GRM4: variants seen among roughly 807,000 people sequenced by gnomAD.
The protein encoded by GRM4 is glutamate metabotropic receptor 4.
GRM4 carries 28 observed loss-of-function variants against 81.7 expected under a neutral mutation model. The observed-to-expected ratio is 0.34, with a 90% CI of 0.25 to 0.47. The LOEUF is 0.47. GRM4 is among the 20% of genes least tolerant of loss of function. GRM4 has a pLI of 1.00. For synonymous variants in GRM4, 488 were observed against 528.8 expected, an observed-to-expected ratio of 0.92 and a Z score of 1.06; for missense variants, 948 against 1,290.0, an observed-to-expected ratio of 0.73 and a Z score of 4.06.
intron 2 of GRM4, among the ~76,000 whole-genome samples, chr6:34,098,832 C>A (rs965319853): frequency 4.6e-5 from 7 of 152,234 alleles, no homozygotes; most frequent in Non-Finnish European, 8.8e-5. Flanking sequence ...GGGGCCTGAG[C>A]AGTGCAGCCT....
Position 34,044,630 on chromosome 6 carries a change from G to A in GRM4, c.1169-3882C>T, listed in dbSNP as rs1324288366. ...CATACATACATACACATATATACAC[G>A]CAGACACACACACATATACATACAT... is the stretch of plus-strand genomic sequence containing the variant. On this transcript the variant is annotated intron_variant, in intron 6 of 10. Coordinates refer to ENST00000538487, the MANE Select transcript of GRM4 (RefSeq NM_000841.4). Among the ~76,000 whole-genome samples, 252 of 95,942 alleles carry A rather than the reference G, an allele frequency of 2.6e-3. 1 individual carries two copies. The highest frequency in any genetic ancestry group is 5.7e-3 in the Middle Eastern group (1 of 176). The allele number at this position is 95,942 out of a possible 152,430, so 62.9% of individuals were successfully genotyped here. A position where few individuals can be genotyped will look rare whatever the true frequency, so the allele number is the denominator to read the frequency against.
In GRM4 at chr6:34,042,912, C is replaced by G. The variant is rs1259733555; in HGVS notation, c.1169-2164G>C. Among the ~76,000 whole-genome samples, 1 of 152,182 alleles carries G rather than the reference C, an allele frequency of 6.6e-6. No individual in the cohort carries two copies. The highest frequency in any genetic ancestry group is 1.5e-5 in the Non-Finnish European group (1 of 68,030). On this transcript the variant is annotated intron_variant, in intron 6 of 10. Coordinates refer to ENST00000538487, the MANE Select transcript of GRM4 (RefSeq NM_000841.4). This position sits in a 1 kb window ranked among gnomAD's most constrained non-coding sequence, Gnocchi z 4.2. ...GATGTGGGGATGGGGGATAGCTGGCCTGGTCGCTCATTAACCCTGCCAGCC... is the reference window on the plus strand; with the variant it reads ...GATGTGGGGATGGGGGATAGCTGGCGTGGTCGCTCATTAACCCTGCCAGCC...
chr6:34,121,526 G>A lies in GRM4; in HGVS notation c.519+11452C>T, dbSNP rs189393701. Among the ~76,000 whole-genome samples, 108 of 152,326 alleles carry A rather than the reference G, an allele frequency of 7.1e-4. No individual in the cohort carries two copies. The highest frequency in any genetic ancestry group is 2.5e-3 in the African/African-American group (106 of 41,574). ...TAGGGCCCCGCTCTACCCAGCCAGA[G>A]CTCCCCCTCCAGGAGATTTCAACTC... On this transcript the variant is annotated intron_variant, in intron 2 of 10. Transcript: ENST00000538487. This position sits in a 1 kb window ranked among gnomAD's most constrained non-coding sequence, Gnocchi z 4.6.
Position 34,035,217 on chromosome 6 carries a change from T to C in GRM4, c.2442+451A>G, listed in dbSNP as rs1314149419. On this transcript the variant is annotated intron_variant, in intron 9 of 10. Transcript: ENST00000538487. The surrounding 1 kb of genome is among the most constrained non-coding windows in gnomAD (Gnocchi z 6.6). The stretch of plus-strand genomic sequence containing the variant: ...AGGAGGGTACAGCGCTCCAGGCTTA[T>C]GGAGGGGGGAAGGGGTGAGAGAATA... 1.4e-5 allele frequency among the ~76,000 whole-genome samples: 2 copies of C among 145,314 alleles called. No homozygotes were observed. The highest frequency in any genetic ancestry group is 3.0e-5 in the Non-Finnish European group (2 of 67,032).
At chr6:34,091,173 C>T (rs1004339055) in intron 3 of GRM4, among the ~76,000 whole-genome samples, 6 of 152,196 alleles carry the variant, frequency 3.9e-5, no homozygotes, top group Non-Finnish European at 7.3e-5. Flanking sequence ...GGCCTGCTCC[C>T]GGGCCCTGCT....
chr6:34,027,999 C>T (rs1432613497), intron 10 of GRM4, 121 bp downstream of exon 10: 7 of 1,151,396 alleles, frequency 6.1e-6, no homozygotes, highest in African/African-American at 4.8e-5. Context: ...TGTCCCCCGC[C>T]GCCTCCCCAG....
At position 34,070,792 on chromosome 6, in the gene GRM4, CCACA is replaced by C. The variant is rs34256571; in HGVS notation, c.737-8768_737-8765del. On this transcript the variant is annotated intron_variant, in intron 3 of 10. Transcript: ENST00000538487. This position sits in a 1 kb window ranked among gnomAD's most constrained non-coding sequence, Gnocchi z 4.6. ...CACCACACCCCCGCCACACCCCCAG[CCACA>C]CACACACACACACACACACACACGG... is the stretch of plus-strand genomic sequence containing the variant. 0.013 allele frequency among the ~76,000 whole-genome samples: 1,706 copies of C among 135,270 alleles called. 37 individuals carry two copies. The highest frequency in any genetic ancestry group is 0.04 in the African/African-American group (1,413 of 35,546). The allele number at this position is 135,270 out of a possible 152,430, so 88.7% of individuals were successfully genotyped here.
At chr6:34,145,032 C>G (rs1770867257) in intron 1 of GRM4, among the ~76,000 whole-genome samples, 1 of 152,108 alleles carries the variant, frequency 6.6e-6, no homozygotes, top group Non-Finnish European at 1.5e-5. Context: ...AGCCCTCGCC[C>G]CAGGAGGCCG....
In GRM4 at chr6:34,056,536, G is replaced by A. The variant is rs778839275; in HGVS notation, c.1168+8C>T. 3.1e-6 allele frequency: 5 copies of A among 1,610,686 alleles called. No individual in the cohort carries two copies. Among genetic ancestry groups the A allele is most frequent in the Non-Finnish European group, 4.2e-6 (5 of 1,178,718 alleles). ...GCCCGCCCGGCCCTGCCCGGCCCGCGTGCTCACTGGTGCACTTCTTGACGT... is the reference window on the plus strand; with the variant it reads ...GCCCGCCCGGCCCTGCCCGGCCCGCATGCTCACTGGTGCACTTCTTGACGT... On this transcript the variant is annotated splice_region_variant and intron_variant, in intron 6 of 10. Coordinates refer to ENST00000538487, the MANE Select transcript of GRM4 (RefSeq NM_000841.4).
In GRM4 at chr6:34,111,046, G is replaced by A. The variant is rs191637687; in HGVS notation, c.520-18947C>T. ...GCTTGGGGGCAGCTCCAGACAATCC[G>A]TCTCATGCATTTGGATATCAGCTGA... is the stretch of plus-strand genomic sequence containing the variant. On this transcript the variant is annotated intron_variant, in intron 2 of 10. Coordinates refer to ENST00000538487, the MANE Select transcript of GRM4 (RefSeq NM_000841.4). The surrounding 1 kb of genome is among the most constrained non-coding windows in gnomAD (Gnocchi z 5.1). The A allele has an allele frequency of 5.9e-4, 139 of 234,236 alleles. 1 individual carries two copies. The highest frequency in any genetic ancestry group is 4.6e-3 in the Admixed American group (80 of 17,538). 14.5% of individuals were successfully genotyped at this position (234,236 alleles called of 1,614,324 possible). A position where few individuals can be genotyped will look rare whatever the true frequency, so the allele number is the denominator to read the frequency against.
intron 5 of GRM4, among the ~76,000 whole-genome samples, chr6:34,057,486 C>T (rs1309191901): frequency 6.6e-6 from 1 of 152,224 alleles, no homozygotes; most frequent in Non-Finnish European, 1.5e-5. Context: ...TCAGCCTCGG[C>T]ACTGTGGACG....
At chr6:34,151,711 A>G (rs946502177) in intron 1 of GRM4, among the ~76,000 whole-genome samples, 1 of 16,442 alleles carries the variant, frequency 6.1e-5, no homozygotes. Context: ...CCCCGCCCCC[A>G]CCCCCACCCC....
chr6:34,103,476 C>A (rs1768948434), intron 2 of GRM4: 2 of 878,334 alleles, frequency 2.3e-6, no homozygotes, highest in East Asian at 2.7e-5. Context: ...TAAGAGCGCC[C>A]GAGAGAGCAG....
intron 4 of GRM4, 97 bp downstream of exon 4, chr6:34,061,796 C>G: frequency 7.5e-7 from 1 of 1,339,552 alleles, no homozygotes. Flanking sequence ...AGGGTGGGGT[C>G]AGGCTCGCCT....
intron 10 of GRM4, among the ~76,000 whole-genome samples, chr6:34,026,621 C>T (rs1360512909): frequency 1.2e-4 from 19 of 152,068 alleles, no homozygotes. Context: ...CCTCCACACC[C>T]CTCCTCTGGC....
intron 2 of GRM4, among the ~76,000 whole-genome samples, chr6:34,128,131 C>T (rs1770091256): frequency 6.6e-6 from 1 of 152,218 alleles, no homozygotes; most frequent in African/African-American, 2.4e-5. Flanking sequence ...TCGGTCTCAA[C>T]ACTGAGTGCT....
chr6:34,120,249 C>T (rs962333044), intron 2 of GRM4, among the ~76,000 whole-genome samples: 4 of 148,950 alleles, frequency 2.7e-5, no homozygotes, highest in African/African-American at 9.9e-5. Context: ...CCCTCTCCAG[C>T]ATGCACACTC....
chr6:34,026,480 A>C (rs1409834610), intron 10 of GRM4, among the ~76,000 whole-genome samples: 1 of 151,478 alleles, frequency 6.6e-6, no homozygotes, highest in African/African-American at 2.4e-5. Flanking sequence ...GTGACCACAG[A>C]CCCCTCGGTC....
At chr6:34,039,601 G>A (rs138671957) in intron 8 of GRM4, among the ~76,000 whole-genome samples, 9 of 152,326 alleles carry the variant, frequency 5.9e-5, no homozygotes, top group Admixed American at 2.6e-4. Context: ...CACCACATCC[G>A]TGGGACATTC....
Sources: gnomAD v4.1 joint callset for allele counts (sites outside exome capture counted in the v4.1 genomes callset) on GRCh38, gnomAD v4.1.1 for gene constraint, Gnocchi (gnomAD v3.1) non-coding constraint, MANE v1.5 for transcripts, NCBI Gene and HGNC (gene_info 2026-07-23, HGNC 2026-07-21) for gene names.